Variants in JADE1 observed in about 807,000 individuals in gnomAD.
JADE1 encodes the protein protein Jade-1.
Under a neutral mutation model 81.8 loss-of-function variants are expected in JADE1, and 14 were observed. The ratio of observed to expected loss-of-function variants is 0.17; its 90% CI spans 0.11 to 0.27. The LOEUF is 0.27. JADE1 is among the 10% of genes least tolerant of loss of function. The pLI, the probability that JADE1 is intolerant of heterozygous loss-of-function variation, is 1.00. For missense variants in JADE1, 690 were observed against 1,047.9 expected, an observed-to-expected ratio of 0.66 and a Z score of 4.71; for synonymous variants, 353 against 391.9, an observed-to-expected ratio of 0.90 and a Z score of 1.17.
chr4:128,865,635 A>G (rs941176111), intron 9 of JADE1, among the ~76,000 whole-genome samples: 1 of 152,154 alleles, frequency 6.6e-6, no homozygotes, highest in Non-Finnish European at 1.5e-5. Flanking sequence ...AGTCCTCACT[A>G]CTATAAAGTG....
At chr4:128,827,988 AC>A (rs1728217746) in intron 1 of JADE1, 1 of 569,548 alleles carries the variant, frequency 1.8e-6, no homozygotes. Context: ...GCTCAGTCTT[AC>A]CAGCCTCCTC....
intron 10 of JADE1, among the ~76,000 whole-genome samples, chr4:128,870,796 G>A (rs897678341): frequency 1.3e-5 from 2 of 152,118 alleles, no homozygotes; most frequent in African/African-American, 2.4e-5. Flanking sequence ...TTTTTGGAAC[G>A]CTTACTATGT....
At chr4:128,862,383 G>A in intron 9 of JADE1, 158 bp downstream of exon 9, 1 of 1,444,992 alleles carries the variant, frequency 6.9e-7, no homozygotes. Flanking sequence ...TTATGGGCTG[G>A]TAAACTCATT....
At chr4:128,832,626 A>C (rs1234228448) in intron 2 of JADE1, among the ~76,000 whole-genome samples, 2 of 152,260 alleles carry the variant, frequency 1.3e-5, no homozygotes, top group Non-Finnish European at 2.9e-5. Context: ...TGTGAAAGTC[A>C]TCAGGGCAGT....
intron 1 of JADE1, among the ~76,000 whole-genome samples, chr4:128,816,783 G>A (rs1228394154): frequency 6.6e-6 from 1 of 152,116 alleles, no homozygotes; most frequent in Non-Finnish European, 1.5e-5. Context: ...GGTAGAGGTA[G>A]GACATAATGT....
In JADE1 at chr4:128,871,288, T is replaced by C; in HGVS notation, c.1622-67T>C. The C allele has an allele frequency of 1.4e-6, 2 of 1,453,116 alleles. No homozygotes were observed. The highest frequency in any genetic ancestry group is 1.9e-5 in the Admixed American group (1 of 51,548). 90.0% of individuals were successfully genotyped at this position (1,453,116 alleles called of 1,614,324 possible). Reference sequence around the variant, plus strand: ...CATCAATTGGGCCACACTAAGGGTGTAGAATTTTATTCTTTTGGATTTGCT... The same window carrying C: ...CATCAATTGGGCCACACTAAGGGTGCAGAATTTTATTCTTTTGGATTTGCT... On this transcript the variant is annotated intron_variant, in intron 10 of 10. Transcript: ENST00000226319. This position sits in a 1 kb window ranked among gnomAD's most constrained non-coding sequence, Gnocchi z 4.1.
At chr4:128,819,783 A>G (rs1727389250) in intron 1 of JADE1, among the ~76,000 whole-genome samples, 1 of 152,222 alleles carries the variant, frequency 6.6e-6, no homozygotes, top group Admixed American at 6.5e-5. Context: ...TTGCTCTCTG[A>G]TAACGTATCA....
At chr4:128,824,366 G>C (rs1579114300) in intron 1 of JADE1, among the ~76,000 whole-genome samples, 1 of 152,210 alleles carries the variant, frequency 6.6e-6, no homozygotes, top group African/African-American at 2.4e-5. Flanking sequence ...CTTGCAGTGA[G>C]CTGAGTGAGC....
At chr4:128,840,157 G>A (rs1055585998) in intron 2 of JADE1, among the ~76,000 whole-genome samples, 10 of 152,166 alleles carry the variant, frequency 6.6e-5, no homozygotes, top group African/African-American at 2.4e-4. Context: ...CCTAGGAAAA[G>A]TTTTCAAATG....
At position 128,869,961 on chromosome 4, in the gene JADE1, T is replaced by C. The variant is rs892717305; in HGVS notation, c.1622-1394T>C. Among the ~76,000 whole-genome samples the C allele has an allele frequency of 5.9e-5, 9 of 152,248 alleles. No homozygotes were observed. The East Asian group carries it at 7.7e-4, about 13-fold the overall frequency. ...TTTATATGTCATTTAGGGTCCATGG[T>C]TTAAACTCTGTGATTCTGAGAGTGG... is the stretch of plus-strand genomic sequence containing the variant. On this transcript the variant is annotated intron_variant, in intron 10 of 10. Transcript: ENST00000226319.
chr4:128,841,725 G>T (rs1428825331), intron 2 of JADE1, among the ~76,000 whole-genome samples: 3 of 152,186 alleles, frequency 2.0e-5, no homozygotes, highest in African/African-American at 7.2e-5. Context: ...GGTGTGCTGG[G>T]TAAGACTGTG....
intron 9 of JADE1, chr4:128,863,991 A>AT (rs1428702024): frequency 1.1e-5 from 11 of 984,626 alleles, no homozygotes; most frequent in South Asian, 9.4e-5. Flanking sequence ...AATTCTAAAC[A>AT]TTTTTTTTGG....
chr4:128,831,771 C>G lies in JADE1; in HGVS notation c.13C>G (p.Arg5Gly). 10 of 1,614,124 alleles carry G rather than the reference C, an allele frequency of 6.2e-6. No individual in the cohort carries two copies. Among genetic ancestry groups the G allele is most frequent in the Non-Finnish European group, 8.5e-6 (10 of 1,180,006 alleles). MKRG[R>G]LPSSSEDSDD... The stretch of plus-strand genomic sequence containing the variant: ...TCCCGGGGAGATCATGAAACGAGGT[C>G]GCCTTCCCAGCAGCAGTGAGGATTC... Residue 5 changes from arginine to glycine, a missense_variant, in exon 2 of 11, where the codon CGC becomes GGC. Transcript: ENST00000226319.
At chr4:128,855,910 G>A in intron 7 of JADE1, 113 bp downstream of exon 7, 1 of 879,678 alleles carries the variant, frequency 1.1e-6, no homozygotes, top group Non-Finnish European at 1.7e-6. Context: ...GCCTTGACCT[G>A]CTGGGCTCAA....
Position 128,855,627 on chromosome 4 carries a change from C to T in JADE1, c.697-3C>T. ...TCCTCTGGGATGTGCCGTGGCATCA[C>T]AGGCCTGTTATGGAATCCTCAAGGT... On this transcript the variant is annotated splice_region_variant and splice_polypyrimidine_tract_variant and intron_variant, in intron 6 of 10. Transcript: ENST00000226319. The T allele has an allele frequency of 6.2e-7, 1 of 1,606,768 alleles. No homozygotes were observed. The highest frequency in any genetic ancestry group is 1.1e-5 in the South Asian group (1 of 90,444).
chr4:128,825,471 G>GA (rs1226635829), intron 1 of JADE1, among the ~76,000 whole-genome samples: 6 of 152,176 alleles, frequency 3.9e-5, no homozygotes, highest in African/African-American at 1.4e-4. Flanking sequence ...CCACCCTAGG[G>GA]ATGGGTTCCT....
At chr4:128,813,543 T>A (rs1319420178) in intron 1 of JADE1, among the ~76,000 whole-genome samples, 8 of 150,846 alleles carry the variant, frequency 5.3e-5, no homozygotes, top group Non-Finnish European at 3.0e-5. Flanking sequence ...CTCAGCCCCC[T>A]GAGTAGCTGG....
chr4:128,827,381 T>G (rs1728171504), intron 1 of JADE1, among the ~76,000 whole-genome samples: 1 of 152,196 alleles, frequency 6.6e-6, no homozygotes, highest in South Asian at 2.1e-4. Flanking sequence ...GAGTGGTCAG[T>G]GGCTTTGAGC....
intron 10 of JADE1, among the ~76,000 whole-genome samples, chr4:128,870,194 A>G (rs72683619): frequency 0.02 from 2,990 of 152,300 alleles, 54 homozygotes; most frequent in Non-Finnish European, 0.032. Flanking sequence ...GTGAAGGTTG[A>G]TTCTAATGAT....
Sources: allele counts gnomAD v4.1 joint callset (sites outside exome capture counted in the v4.1 genomes callset), GRCh38; gene constraint gnomAD v4.1.1; non-coding constraint Gnocchi (gnomAD v3.1); transcripts MANE v1.5; gene names NCBI Gene and HGNC (gene_info 2026-07-23, HGNC 2026-07-21).